Variants in OTOA observed in about 807,000 individuals in gnomAD.
The protein encoded by OTOA is cancer/testis antigen 108.
OTOA carries 70 observed loss-of-function variants against 110.8 expected under a neutral mutation model. That is an observed-to-expected ratio of 0.63 (90% CI 0.52 to 0.77). OTOA has a LOEUF of 0.77. Ranked by LOEUF, OTOA falls within the 30% of genes least tolerant of loss-of-function variation. The pLI is 0.00. For synonymous variants in OTOA, 373 were observed against 431.5 expected, an observed-to-expected ratio of 0.86 and a Z score of 1.68; for missense variants, 917 against 1,075.8, an observed-to-expected ratio of 0.85 and a Z score of 2.06.
In OTOA at chr16:21,760,654, A is replaced by C. The variant is rs919852813; in HGVS notation, c.*114A>C. 4.3e-6 allele frequency: 4 copies of C among 922,886 alleles called. No individual in the cohort carries two copies. The highest frequency in any genetic ancestry group is 4.1e-5 in the Admixed American group (2 of 48,882). 57.2% of individuals were successfully genotyped at this position (922,886 alleles called of 1,614,324 possible). On this transcript the variant is annotated 3_prime_UTR_variant, in exon 29 of 29. Coordinates refer to ENST00000646100, the MANE Select transcript of OTOA (RefSeq NM_144672.4). The stretch of plus-strand genomic sequence containing the variant: ...CTGGATCCAGACCCTCATCTAGGGC[A>C]GGGAAACCCTGGGGCCTTGATGGTG...
intron 9 of OTOA, among the ~76,000 whole-genome samples, chr16:21,695,881 A>T (rs1218164045): frequency 5.2e-4 from 21 of 40,612 alleles, no homozygotes; most frequent in Non-Finnish European, 8.6e-4. Flanking sequence ...ATATATATAT[A>T]TATATATATA....
intron 8 of OTOA, among the ~76,000 whole-genome samples, chr16:21,689,157 G>T (rs1433141462): frequency 2.6e-5 from 4 of 152,054 alleles, no homozygotes; most frequent in African/African-American, 9.7e-5. Flanking sequence ...ACTAATCGTA[G>T]TGCTTTATGG....
chr16:21,671,917 A>C (rs1336004504), intron 1 of OTOA, among the ~76,000 whole-genome samples: 1 of 152,108 alleles, frequency 6.6e-6, no homozygotes, highest in African/African-American at 2.4e-5. Context: ...GGATTGCTTG[A>C]AACCAGGAGT....
At chr16:21,669,920 G>T (rs1966846813) in intron 1 of OTOA, among the ~76,000 whole-genome samples, 1 of 152,228 alleles carries the variant, frequency 6.6e-6, no homozygotes, top group East Asian at 1.9e-4. Flanking sequence ...GAGCTTAGGA[G>T]TTCGAGACCA....
chr16:21,732,510 C>CA, intron 21 of OTOA, among the ~76,000 whole-genome samples: 1 of 152,006 alleles, frequency 6.6e-6, no homozygotes, highest in Non-Finnish European at 1.5e-5. Context: ...TCCAAGTCCC[C>CA]AAAGCCCATT....
In OTOA at chr16:21,678,531, CG is replaced by C; in HGVS notation, c.18del (p.Thr7HisfsTer10). ...TACAGGAGAATGTCTCAGGAACCTA[CG>C]ACATACTCCCTTTTCCTATTCCTTT... MSQEP[T>X]TYSLFLFLFL... On this transcript the variant is annotated frameshift_variant, in exon 2 of 29. Coordinates refer to ENST00000646100, the MANE Select transcript of OTOA (RefSeq NM_144672.4). LOFTEE classifies it high-confidence loss of function. 6.2e-7 allele frequency: 1 copy of C among 1,613,288 alleles called. No individual in the cohort carries two copies. Among genetic ancestry groups the C allele is most frequent in the South Asian group, 1.1e-5 (1 of 91,068 alleles).
intron 24 of OTOA, among the ~76,000 whole-genome samples, chr16:21,749,655 C>T (rs1213314987): frequency 5.5e-5 from 7 of 127,654 alleles, no homozygotes; most frequent in Non-Finnish European, 8.0e-5. Context: ...CTTATAATCT[C>T]TTTTACTTGC....
At chr16:21,712,681 A>C (rs972545904) in intron 13 of OTOA, among the ~76,000 whole-genome samples, 2 of 94,772 alleles carry the variant, frequency 2.1e-5, no homozygotes, top group Non-Finnish European at 5.7e-5. Flanking sequence ...TCTACTAAAA[A>C]TAAAAAAAAA....
At chr16:21,695,891 A>ATATTTTTTTTTTTTTTTTTTT (rs569493650) in intron 9 of OTOA, among the ~76,000 whole-genome samples, 1 of 41,904 alleles carries the variant, frequency 2.4e-5, no homozygotes, top group Non-Finnish European at 3.7e-5. Context: ...ATATATATAT[A>ATATTTTTTTTTTTTTTTTTTT]TTTTTTTTTT....
At chr16:21,687,368 G>A (rs751886422) in intron 7 of OTOA, 45 bp from the exon 8 acceptor site, 20 of 1,549,084 alleles carry the variant, frequency 1.3e-5, no homozygotes, top group Middle Eastern at 1.7e-4. Flanking sequence ...CTTCCAAATT[G>A]AGAGGCAGCT....
intron 27 of OTOA, among the ~76,000 whole-genome samples, chr16:21,756,816 A>G (rs542137660): frequency 6.7e-6 from 1 of 148,756 alleles, no homozygotes; most frequent in Admixed American, 6.7e-5. Context: ...TTTTATTTTT[A>G]TTTTGCGGCT....
chr16:21,705,276 AG>A lies in OTOA; in HGVS notation c.1090del (p.Ala364LeufsTer32), dbSNP rs1567377820. On this transcript the variant is annotated frameshift_variant, in exon 12 of 29. Transcript: ENST00000646100. LOFTEE classifies it high-confidence loss of function. ...AAGTGCAGCCACCTGAGGGGCTTCC[AG>A]GCTGGCGTCCAGAAGGTACAGCTGG... ...MIKCSHLRGF[Q>X]AGVQKLKAEL... The A allele has an allele frequency of 6.2e-7, 1 of 1,613,878 alleles. No homozygotes were observed. Among genetic ancestry groups the A allele is most frequent in the African/African-American group, 1.3e-5 (1 of 74,918 alleles).
chr16:21,712,186 C>T (rs1036408980), intron 13 of OTOA, among the ~76,000 whole-genome samples: 1 of 151,866 alleles, frequency 6.6e-6, no homozygotes, highest in African/African-American at 2.4e-5. Flanking sequence ...AATTAGCTGG[C>T]CATGATGGTG....
intron 14 of OTOA, among the ~76,000 whole-genome samples, chr16:21,716,353 T>C (rs985693269): frequency 3.9e-4 from 59 of 152,196 alleles, no homozygotes; most frequent in African/African-American, 1.4e-3. Context: ...GGGCGGATCA[T>C]GAGGTTAGGA....
At chr16:21,721,201 C>T in intron 17 of OTOA, 1 of 422,664 alleles carries the variant, frequency 2.4e-6, no homozygotes, top group South Asian at 1.6e-5. Flanking sequence ...AGGCATGAGC[C>T]ACCACGCCCA....
chr16:21,680,997 G>T (rs1431007031), intron 5 of OTOA, among the ~76,000 whole-genome samples: 1 of 152,082 alleles, frequency 6.6e-6, no homozygotes, highest in Non-Finnish European at 1.5e-5. Context: ...TGAGGCACAA[G>T]AAAATTTATC....
chr16:21,676,501 A>G (rs1289286181), intron 1 of OTOA, among the ~76,000 whole-genome samples: 1 of 152,056 alleles, frequency 6.6e-6, no homozygotes, highest in Non-Finnish European at 1.5e-5. Context: ...TTGATGATTG[A>G]CCCTGATGCC....
At chr16:21,703,613 C>G (rs1898096159) in intron 11 of OTOA, among the ~76,000 whole-genome samples, 1 of 152,166 alleles carries the variant, frequency 6.6e-6, no homozygotes, top group African/African-American at 2.4e-5. Context: ...GCCCTCACTT[C>G]CCCTGAGTCT....
intron 13 of OTOA, among the ~76,000 whole-genome samples, chr16:21,711,727 A>G (rs958862698): frequency 6.6e-6 from 1 of 152,076 alleles, no homozygotes; most frequent in African/African-American, 2.4e-5. Context: ...TCAGCCTCCC[A>G]AAGTGCTGGG....
Sources: allele counts gnomAD v4.1 joint callset (sites outside exome capture counted in the v4.1 genomes callset), GRCh38; gene constraint gnomAD v4.1.1; transcripts MANE v1.5; gene names NCBI Gene and HGNC (gene_info 2026-07-23, HGNC 2026-07-21).